ACAP2: variants seen among roughly 807,000 people sequenced by gnomAD.
The protein encoded by ACAP2 is ArfGAP with coiled-coil, ankyrin repeat and PH domains 2, also known as arf-GAP with coiled-coil, ANK repeat and PH domain-containing protein 2.
Under a neutral mutation model 115.8 loss-of-function variants are expected in ACAP2, and 39 were observed. The ratio of observed to expected loss-of-function variants is 0.34; its 90% CI spans 0.26 to 0.44. The LOEUF is 0.44. Among genes scored for constraint, ACAP2 ranks in the 20% least tolerant of loss-of-function variants. The pLI, the probability that ACAP2 is intolerant of heterozygous loss-of-function variation, is 1.00. For missense variants in ACAP2, 662 were observed against 927.6 expected, an observed-to-expected ratio of 0.71 and a Z score of 3.72; for synonymous variants, 289 against 315.8, an observed-to-expected ratio of 0.92 and a Z score of 0.90.
intron 1 of ACAP2, among the ~76,000 whole-genome samples, chr3:195,392,892 A>T (rs539889283): frequency 1.3e-5 from 2 of 152,362 alleles, no homozygotes; most frequent in Admixed American, 6.5e-5. Flanking sequence ...TAATTCATCT[A>T]CTTTAAGTCA....
intron 10 of ACAP2, among the ~76,000 whole-genome samples, chr3:195,315,748 A>G (rs973560843): frequency 6.6e-6 from 1 of 152,198 alleles, no homozygotes; most frequent in East Asian, 1.9e-4. Flanking sequence ...AAAACAGCCT[A>G]ATTTCCAAAG....
intron 9 of ACAP2, among the ~76,000 whole-genome samples, chr3:195,322,373 C>A (rs1196183756): frequency 6.6e-6 from 1 of 151,880 alleles, no homozygotes; most frequent in Admixed American, 6.6e-5. Flanking sequence ...GGGCCTTGCA[C>A]CAGAGGGAAG....
At chr3:195,325,383 G>A (rs1729716634) in intron 9 of ACAP2, 1 of 418,464 alleles carries the variant, frequency 2.4e-6, no homozygotes, top group African/African-American at 2.2e-5. Context: ...AACTACAGGA[G>A]ACATACTTTC....
chr3:195,303,069 A>G (rs1728173154), intron 13 of ACAP2, among the ~76,000 whole-genome samples: 1 of 152,176 alleles, frequency 6.6e-6, no homozygotes, highest in African/African-American at 2.4e-5. Flanking sequence ...CAAAAAAATT[A>G]GCTGGGCGTG....
chr3:195,406,186 T>C (rs1188356766), intron 1 of ACAP2, among the ~76,000 whole-genome samples: 1 of 152,218 alleles, frequency 6.6e-6, no homozygotes, highest in Non-Finnish European at 1.5e-5. Context: ...TTAACCTTAA[T>C]GCAATCACAT....
chr3:195,308,878 T>C, intron 10 of ACAP2, 41 bp from the exon 11 acceptor site: 1 of 1,515,624 alleles, frequency 6.6e-7, no homozygotes, highest in Non-Finnish European at 9.0e-7. Context: ...ATAAACATAA[T>C]TTATTTCCAT....
chr3:195,371,032 C>T (rs981276447), intron 4 of ACAP2, among the ~76,000 whole-genome samples: 1 of 150,546 alleles, frequency 6.6e-6, no homozygotes, highest in Non-Finnish European at 1.5e-5. Flanking sequence ...CTTAGGATTA[C>T]TTTGGCTATT....
intron 1 of ACAP2, among the ~76,000 whole-genome samples, chr3:195,412,465 G>T (rs917439105): frequency 1.1e-4 from 16 of 151,330 alleles, no homozygotes; most frequent in African/African-American, 3.9e-4. Flanking sequence ...TACAAAAATC[G>T]GCTGGGCGTG....
At chr3:195,333,807 A>C (rs1347072382) in intron 7 of ACAP2, among the ~76,000 whole-genome samples, 2 of 152,240 alleles carry the variant, frequency 1.3e-5, no homozygotes, top group African/African-American at 4.8e-5. Flanking sequence ...AAGATAAGAG[A>C]AATATAAAGT....
chr3:195,412,886 G>A (rs1713402703), intron 1 of ACAP2: 3 of 456,334 alleles, frequency 6.6e-6, no homozygotes, highest in African/African-American at 6.0e-5. Flanking sequence ...GAAACAGCAA[G>A]CGGTAAAACA....
intron 1 of ACAP2, chr3:195,412,791 G>A: frequency 2.6e-6 from 1 of 391,478 alleles, no homozygotes; most frequent in South Asian, 1.9e-5. Flanking sequence ...AACTTAAATA[G>A]TAGAGTATAA....
At chr3:195,372,262 G>A (rs1011655768) in intron 4 of ACAP2, among the ~76,000 whole-genome samples, 1 of 152,170 alleles carries the variant, frequency 6.6e-6, no homozygotes, top group African/African-American at 2.4e-5. Context: ...CAGAAAAGGT[G>A]CCACATTTCA....
chr3:195,406,489 C>T (rs1025123465), intron 1 of ACAP2, among the ~76,000 whole-genome samples: 9 of 152,110 alleles, frequency 5.9e-5, no homozygotes, highest in Admixed American at 1.3e-4. Flanking sequence ...CCTGGTGGTA[C>T]CTAATATTAC....
chr3:195,417,553 T>C (rs1052236155), intron 1 of ACAP2, among the ~76,000 whole-genome samples: 1 of 152,180 alleles, frequency 6.6e-6, no homozygotes, highest in South Asian at 2.1e-4. Context: ...CTCACCTGGA[T>C]TATAGCAACC....
intron 21 of ACAP2, among the ~76,000 whole-genome samples, chr3:195,288,099 C>CAA (rs547624793): frequency 3.7e-4 from 45 of 120,554 alleles, no homozygotes; most frequent in Admixed American, 3.4e-4. Context: ...AACTCTGTCT[C>CAA]AAAAAAAAAA....
At chr3:195,424,481 T>C (rs1272912774) in intron 1 of ACAP2, among the ~76,000 whole-genome samples, 1 of 150,930 alleles carries the variant, frequency 6.6e-6, no homozygotes, top group Non-Finnish European at 1.5e-5. Context: ...GTATTTTCAG[T>C]AGAGACGGGG....
chr3:195,314,679 G>T (rs1407521738), intron 10 of ACAP2, among the ~76,000 whole-genome samples: 2 of 152,110 alleles, frequency 1.3e-5, no homozygotes, highest in Admixed American at 6.5e-5. Context: ...CAAAAAACGT[G>T]CCCTAAAAGT....
intron 1 of ACAP2, among the ~76,000 whole-genome samples, chr3:195,422,659 G>A (rs1345522747): frequency 6.6e-6 from 1 of 151,776 alleles, no homozygotes; most frequent in Non-Finnish European, 1.5e-5. Context: ...TTAATTTTCT[G>A]TAGAGACAAA....
chr3:195,285,873 A>G lies in ACAP2; in HGVS notation c.2175-16T>C. ...TAAACGTAACCTAAAAATAAATAAA[A>G]TAGTGTTTTAGATGACATTATATAA... On this transcript the variant is annotated splice_polypyrimidine_tract_variant and intron_variant, in intron 21 of 22. Transcript: ENST00000326793. The G allele has an allele frequency of 6.3e-7, 1 of 1,584,662 alleles. No individual in the cohort carries two copies. Among genetic ancestry groups the G allele is most frequent in the South Asian group, 1.1e-5 (1 of 89,714 alleles).
Sources: allele counts gnomAD v4.1 joint callset (sites outside exome capture counted in the v4.1 genomes callset), GRCh38; gene constraint gnomAD v4.1.1; transcripts MANE v1.5; gene names NCBI Gene and HGNC (gene_info 2026-07-23, HGNC 2026-07-21).